Variants in CCDC175 observed in about 807,000 individuals in gnomAD.
The protein encoded by CCDC175 is coiled-coil domain-containing protein 175.
CCDC175 carries 100 observed loss-of-function variants against 114.6 expected under a neutral mutation model. The ratio of observed to expected loss-of-function variants is 0.87; its 90% CI spans 0.74 to 1.03. The LOEUF is 1.03. Ranked by LOEUF, CCDC175 falls within the 50% of genes least tolerant of loss-of-function variation. The pLI, the probability that CCDC175 is intolerant of heterozygous loss-of-function variation, is 0.00. For missense variants in CCDC175, 880 were observed against 917.8 expected, an observed-to-expected ratio of 0.96 and a Z score of 0.53; for synonymous variants, 306 against 308.7, an observed-to-expected ratio of 0.99 and a Z score of 0.09.
At chr14:59,576,499 T>C (rs912839060) in intron 1 of CCDC175, 120 bp downstream of exon 1, 3 of 973,816 alleles carry the variant, frequency 3.1e-6, no homozygotes, top group Non-Finnish European at 4.1e-6. Flanking sequence ...GAGAAGGCTC[T>C]GCCCTGCCCA....
chr14:59,519,061 T>C (rs1455190939), intron 17 of CCDC175, among the ~76,000 whole-genome samples: 2 of 151,602 alleles, frequency 1.3e-5, no homozygotes, highest in Non-Finnish European at 2.9e-5. Flanking sequence ...AGCAAACTAT[T>C]GCAAGGACAA....
At chr14:59,555,567 A>C (rs190990738) in intron 7 of CCDC175, among the ~76,000 whole-genome samples, 12 of 152,098 alleles carry the variant, frequency 7.9e-5, no homozygotes, top group South Asian at 6.2e-4. Flanking sequence ...CACAAGGATG[A>C]CCTCTCTCAC....
chr14:59,530,659 T>C (rs1894016494), intron 14 of CCDC175, among the ~76,000 whole-genome samples: 1 of 152,136 alleles, frequency 6.6e-6, no homozygotes. Context: ...ATAACATTCT[T>C]ACATTTTTAA....
intron 18 of CCDC175, 42 bp downstream of exon 18, chr14:59,511,718 T>A (rs891021128): frequency 6.7e-7 from 1 of 1,495,930 alleles, no homozygotes; most frequent in Admixed American, 2.0e-5. Flanking sequence ...TTTTTGGAAA[T>A]ATGATATTTA....
intron 19 of CCDC175, among the ~76,000 whole-genome samples, chr14:59,508,773 A>C (rs1892593599): frequency 1.3e-5 from 2 of 152,006 alleles, no homozygotes; most frequent in South Asian, 2.1e-4. Flanking sequence ...TTGAGGACAC[A>C]ATGAGGAAGC....
chr14:59,563,142 C>T (rs10483718), intron 6 of CCDC175, among the ~76,000 whole-genome samples: 15,798 of 152,142 alleles, frequency 0.1, 893 homozygotes, highest in Middle Eastern at 0.15. Context: ...ACATTAACCA[C>T]TTCAATTATA....
chr14:59,507,545 G>A (rs559264000), intron 19 of CCDC175, among the ~76,000 whole-genome samples: 29 of 152,312 alleles, frequency 1.9e-4, no homozygotes, highest in South Asian at 4.1e-4. Context: ...ACAGTAGAGG[G>A]GTGCTGAACT....
chr14:59,572,345 T>C (rs1362124310), intron 3 of CCDC175, among the ~76,000 whole-genome samples: 1 of 152,182 alleles, frequency 6.6e-6, no homozygotes, highest in East Asian at 1.9e-4. Context: ...GGACAAATAC[T>C]GTATGATATT....
At chr14:59,562,532 CTG>C (rs1896282734) in intron 6 of CCDC175, among the ~76,000 whole-genome samples, 1 of 152,164 alleles carries the variant, frequency 6.6e-6, no homozygotes. Context: ...GAACGCAGCT[CTG>C]TGTGAGACTC....
intron 13 of CCDC175, among the ~76,000 whole-genome samples, chr14:59,537,417 G>A (rs575455609): frequency 5.9e-5 from 9 of 152,208 alleles, no homozygotes; most frequent in African/African-American, 2.2e-4. Context: ...CTTTGGTGTG[G>A]CCAAGACCTC....
At chr14:59,529,062 C>T (rs762618194) in intron 14 of CCDC175, among the ~76,000 whole-genome samples, 5 of 152,172 alleles carry the variant, frequency 3.3e-5, no homozygotes, top group Non-Finnish European at 7.3e-5. Flanking sequence ...TTTAATAGTC[C>T]TGGGTGAGCT....
intron 14 of CCDC175, among the ~76,000 whole-genome samples, chr14:59,528,357 T>C (rs1893870071): frequency 6.6e-6 from 1 of 152,144 alleles, no homozygotes; most frequent in Admixed American, 6.5e-5. Flanking sequence ...GGGGATTTGC[T>C]TGGACATTTA....
intron 7 of CCDC175, among the ~76,000 whole-genome samples, chr14:59,557,398 T>C (rs1407997813): frequency 2.2e-5 from 3 of 137,378 alleles, no homozygotes; most frequent in African/African-American, 8.3e-5. Context: ...TTCTCACTCA[T>C]AGGTGGGAAT....
At position 59,505,570 on chromosome 14, in the gene CCDC175, T is replaced by C. The variant is rs60117175; in HGVS notation, c.2306-255A>G. ...AAAGTATATATGCAAAAGAAGAAATTACAATTACAAGGCCTCACGGGCAAA... is the reference window on the plus strand; with the variant it reads ...AAAGTATATATGCAAAAGAAGAAATCACAATTACAAGGCCTCACGGGCAAA... On this transcript the variant is annotated intron_variant, in intron 19 of 19. Coordinates refer to ENST00000537690, the MANE Select transcript of CCDC175 (RefSeq NM_001164399.2). Among the ~76,000 whole-genome samples, 1,109 of 152,292 alleles carry C rather than the reference T, an allele frequency of 7.3e-3. 14 individuals are homozygous for C. The highest frequency in any genetic ancestry group is 0.025 in the African/African-American group (1,048 of 41,564).
At chr14:59,551,151 C>A in intron 8 of CCDC175, 1 of 359,354 alleles carries the variant, frequency 2.8e-6, no homozygotes, top group Non-Finnish European at 4.9e-6. Flanking sequence ...AAAACAGTTC[C>A]TCTGTACATG....
chr14:59,538,702 T>TA lies in CCDC175; in HGVS notation c.1491+2dup. 1 of 1,533,062 alleles carries TA rather than the reference T, an allele frequency of 6.5e-7. No individual in the cohort carries two copies. Among genetic ancestry groups the TA allele is most frequent in the Non-Finnish European group, 8.7e-7 (1 of 1,145,398 alleles). The allele number at this position is 1,533,062 out of a possible 1,614,324, so 95.0% of individuals were successfully genotyped here. A position where few individuals can be genotyped will look rare whatever the true frequency, so the allele number is the denominator to read the frequency against. On this transcript the variant is annotated splice_region_variant and intron_variant, in intron 12 of 19. Coordinates refer to ENST00000537690, the MANE Select transcript of CCDC175 (RefSeq NM_001164399.2). ...TAATTCTAAGTTCTTTCAGTTCTCT[T>TA]ACCTCGTTAAGTAATTCAATTCGTC... is the stretch of plus-strand genomic sequence containing the variant.
At chr14:59,520,725 T>A (rs769095031) in intron 17 of CCDC175, among the ~76,000 whole-genome samples, 6 of 152,110 alleles carry the variant, frequency 3.9e-5, no homozygotes, top group Non-Finnish European at 8.8e-5. Flanking sequence ...CTTAAAACAA[T>A]TTGCTGAGTG....
chr14:59,540,898 A>G (rs1049218176), intron 10 of CCDC175, among the ~76,000 whole-genome samples, 152 bp from the exon 11 acceptor site: 4 of 152,206 alleles, frequency 2.6e-5, no homozygotes, highest in Admixed American at 2.6e-4. Context: ...TCAGTGGCAG[A>G]CTGATAGACA....
intron 11 of CCDC175, among the ~76,000 whole-genome samples, chr14:59,540,019 C>T (rs977374): frequency 3.3e-5 from 5 of 151,758 alleles, no homozygotes; most frequent in African/African-American, 4.8e-5. Flanking sequence ...TGCAGTGTGC[C>T]GAGATGGCAC....
Sources: gnomAD v4.1 joint callset for allele counts (sites outside exome capture counted in the v4.1 genomes callset) on GRCh38, gnomAD v4.1.1 for gene constraint, MANE v1.5 for transcripts, NCBI Gene and HGNC (gene_info 2026-07-23, HGNC 2026-07-21) for gene names.